SUFU: variants seen among roughly 807,000 people sequenced by gnomAD.
SUFU encodes suppressor of fused homolog.
In SUFU, 7 loss-of-function variants were observed where a neutral mutation model predicts 58.9. The ratio of observed to expected loss-of-function variants is 0.12; its 90% CI spans 0.07 to 0.22. SUFU has a LOEUF of 0.22. Among genes scored for constraint, SUFU ranks in the 10% least tolerant of loss-of-function variants. The probability of loss-of-function intolerance (pLI) is 1.00; values close to 1 mark genes in which losing one functional copy is unlikely to be tolerated. For missense variants in SUFU, 451 were observed against 641.3 expected (o/e 0.70, Z 3.20); for synonymous variants, 232 against 254.8 (o/e 0.91, Z 0.85).
At chr10:102,546,261 C>CTT (rs2062853566) in intron 2 of SUFU, among the ~76,000 whole-genome samples, 1 of 152,160 alleles carries the variant, frequency 6.6e-6, no homozygotes, top group Non-Finnish European at 1.5e-5. Context: ...GGTTCTTGAG[C>CTT]AGGAAACAAT....
At chr10:102,615,533 C>T (rs1387924121) in intron 9 of SUFU, 131 bp downstream of exon 9, 21 of 1,357,504 alleles carry the variant, frequency 1.5e-5, no homozygotes, top group Middle Eastern at 2.2e-4. Context: ...CCACCAGGCC[C>T]GTGCTTCCCG....
At chr10:102,591,490 C>T (rs2063400860) in intron 3 of SUFU, 1 of 128,010 alleles carries the variant, frequency 7.8e-6, no homozygotes, top group Non-Finnish European at 1.6e-5. Flanking sequence ...CAGAGCGAGA[C>T]TCCATCTCAA....
In SUFU at chr10:102,625,054, C is replaced by T. The variant is rs1210574059; in HGVS notation, c.1297-2121C>T. 2.0e-5 allele frequency among the ~76,000 whole-genome samples: 3 copies of T among 152,178 alleles called. No individual in the cohort carries two copies. The highest frequency in any genetic ancestry group is 2.9e-5 in the Non-Finnish European group (2 of 68,048). ...GTGCTAGCATTTGCAGAGATGGCAA[C>T]GAGCCCCGGAAATGCCAAAAATATG... On this transcript the variant is annotated intron_variant, in intron 10 of 11. Transcript: ENST00000369902. This position sits in a 1 kb window ranked among gnomAD's most constrained non-coding sequence, Gnocchi z 4.7.
chr10:102,528,734 G>A (rs1214215805), intron 2 of SUFU, among the ~76,000 whole-genome samples: 1 of 152,150 alleles, frequency 6.6e-6, no homozygotes, highest in Non-Finnish European at 1.5e-5. Flanking sequence ...TTGAACTTGA[G>A]GAATGCTGTG....
intron 3 of SUFU, among the ~76,000 whole-genome samples, chr10:102,575,517 C>G (rs1298957607): frequency 1.3e-5 from 2 of 152,132 alleles, no homozygotes; most frequent in African/African-American, 4.8e-5. Flanking sequence ...ATAAACCCAC[C>G]AGTTTCTACC....
At position 102,597,301 on chromosome 10, in the gene SUFU, C is replaced by G. The variant is rs1159461161; in HGVS notation, c.910+8C>G. 2.5e-6 allele frequency: 4 copies of G among 1,611,040 alleles called. No homozygotes were observed. The highest frequency in any genetic ancestry group is 3.4e-6 in the Non-Finnish European group (4 of 1,178,758). On this transcript the variant is annotated splice_region_variant and intron_variant, in intron 7 of 11. Transcript: ENST00000369902. ...GGCGACTCTCTGGCAAAGGTGGGAG[C>G]CATCACTCAGCATTCCACCAGCCTT... is the stretch of plus-strand genomic sequence containing the variant.
intron 3 of SUFU, among the ~76,000 whole-genome samples, chr10:102,571,837 CT>C (rs200143642): frequency 1.4e-4 from 21 of 152,212 alleles, no homozygotes; most frequent in African/African-American, 4.8e-4. Flanking sequence ...CTTTTCTTTT[CT>C]TTTTTTTCCT....
At chr10:102,589,619 T>C (rs1377268074) in intron 3 of SUFU, among the ~76,000 whole-genome samples, 3 of 151,870 alleles carry the variant, frequency 2.0e-5, no homozygotes, top group Admixed American at 6.6e-5. Flanking sequence ...CTAATTTTTG[T>C]ATTTTTAGTA....
At position 102,615,436 on chromosome 10, in the gene SUFU, C is replaced by T. The variant is rs765466019; in HGVS notation, c.1157+34C>T. Reference sequence around the variant, plus strand: ...GACAGCCCTGCCACACAGTTTACCCCACAGCACCCAGCTCAGCCTCCAGGG... The same window carrying T: ...GACAGCCCTGCCACACAGTTTACCCTACAGCACCCAGCTCAGCCTCCAGGG... On this transcript the variant is annotated intron_variant, in intron 9 of 11. Coordinates refer to ENST00000369902, the MANE Select transcript of SUFU (RefSeq NM_016169.4). The T allele has an allele frequency of 3.7e-6, 6 of 1,613,684 alleles. No individual in the cohort carries two copies. The African/African-American group carries it at 5.3e-5, about 14-fold the overall frequency.
Position 102,628,575 on chromosome 10 carries a change from G to A in SUFU, c.1365+1332G>A, listed in dbSNP as rs1428302198. ...GCTGCTTTGAGCTTGGGGGTAGGAG[G>A]GGGACAGTCCAGGCAAGAGGGACAG... On this transcript the variant is annotated intron_variant, in intron 11 of 11. Transcript: ENST00000369902. The surrounding 1 kb of genome is among the most constrained non-coding windows in gnomAD (Gnocchi z 4.5). Among the ~76,000 whole-genome samples the A allele has an allele frequency of 7.2e-5, 11 of 152,186 alleles. No individual in the cohort carries two copies. Among genetic ancestry groups the A allele is most frequent in the Admixed American group, 7.2e-4 (11 of 15,278 alleles).
rs188050530 is a variant in SUFU, at chr10:102,579,816, C to G, written c.455-12766C>G. The G allele has an allele frequency of 2.4e-5, 24 of 985,378 alleles. No individual in the cohort carries two copies. The Admixed American group carries it at 1.4e-3, about 58-fold the overall frequency. The allele number at this position is 985,378 out of a possible 1,614,324, so 61.0% of individuals were successfully genotyped here. The stretch of plus-strand genomic sequence containing the variant: ...CTCTCAAACCAAACACTCAAATGAA[C>G]TTTTCAAGTGATAAAACTGCATCCA... On this transcript the variant is annotated intron_variant, in intron 3 of 11. Coordinates refer to ENST00000369902, the MANE Select transcript of SUFU (RefSeq NM_016169.4).
intron 2 of SUFU, among the ~76,000 whole-genome samples, chr10:102,519,399 C>A (rs2135661563): frequency 6.6e-6 from 1 of 151,994 alleles, no homozygotes; most frequent in East Asian, 1.9e-4. Flanking sequence ...TGTTGGCGGG[C>A]ACCTGTAATC....
At chr10:102,580,006 C>T (rs1590049376) in intron 3 of SUFU, among the ~76,000 whole-genome samples, 1 of 132,810 alleles carries the variant, frequency 7.5e-6, no homozygotes, top group African/African-American at 2.8e-5. Context: ...TACAGAGAAT[C>T]TGTTTTGGGT....
rs189101780 is a variant in SUFU at position 102,527,065 on chromosome 10, C to T, written c.317+17762C>T. On this transcript the variant is annotated intron_variant, in intron 2 of 11. Transcript: ENST00000369902. ...AGGCTGGAGTGCAGTGGCAGTGGTG[C>T]GATCTCAGCTCACTGCAAGCTCCGC... Among the ~76,000 whole-genome samples the T allele has an allele frequency of 4.4e-4, 60 of 135,534 alleles. 2 individuals carry two copies. The East Asian group carries it at 0.01, about 23-fold the overall frequency. The allele number at this position is 135,534 out of a possible 152,430, so 88.9% of individuals were successfully genotyped here.
At chr10:102,612,169 T>TTGTGTGTGTGTGTGTGTG (rs34032732) in intron 8 of SUFU, among the ~76,000 whole-genome samples, 1 of 148,230 alleles carries the variant, frequency 6.7e-6, no homozygotes, top group African/African-American at 2.5e-5. Context: ...AACTGGGTTC[T>TTGTGTGTGTGTGTGTGTG]TGTGTGTGTG....
In SUFU at chr10:102,630,286, C is replaced by CACTGG; in HGVS notation, c.*131_*132insACTGG. 3.6e-6 allele frequency: 3 copies of CACTGG among 833,430 alleles called. No individual in the cohort carries two copies. Among genetic ancestry groups the CACTGG allele is most frequent in the Non-Finnish European group, 3.9e-6 (2 of 507,044 alleles). 51.6% of individuals were successfully genotyped at this position (833,430 alleles called of 1,614,324 possible). Reference sequence around the variant, plus strand: ...TGAGGAAGACTGCGCAGTGCCACCCCGCAGCCCAGTGGGGTGCCATGCACA... The same window carrying CACTGG: ...TGAGGAAGACTGCGCAGTGCCACCCCACTGGGCAGCCCAGTGGGGTGCCATGCACA... On this transcript the variant is annotated 3_prime_UTR_variant, in exon 12 of 12. Transcript: ENST00000369902.
intron 3 of SUFU, among the ~76,000 whole-genome samples, chr10:102,573,750 A>G (rs2063185775): frequency 6.6e-6 from 1 of 152,230 alleles, no homozygotes; most frequent in African/African-American, 2.4e-5. Context: ...ATATTGTATG[A>G]TTCCACTTAC....
At chr10:102,509,441 T>A in intron 2 of SUFU, 138 bp downstream of exon 2, 1 of 1,266,344 alleles carries the variant, frequency 7.9e-7, no homozygotes, top group Non-Finnish European at 1.1e-6. Flanking sequence ...CTATATCTAC[T>A]CATGCCAAGG....
chr10:102,523,884 C>G (rs2062578160), intron 2 of SUFU, among the ~76,000 whole-genome samples: 1 of 152,224 alleles, frequency 6.6e-6, no homozygotes, highest in African/African-American at 2.4e-5. Flanking sequence ...TTGTACTCTA[C>G]TTCAATCGGC....
Sources: gnomAD v4.1 joint callset for allele counts (sites outside exome capture counted in the v4.1 genomes callset) on GRCh38, gnomAD v4.1.1 for gene constraint, Gnocchi (gnomAD v3.1) non-coding constraint, MANE v1.5 for transcripts, NCBI Gene and HGNC (gene_info 2026-07-23, HGNC 2026-07-21) for gene names.